Variants in SCN10A observed in about 807,000 individuals in gnomAD.
SCN10A encodes the protein sodium voltage-gated channel alpha subunit 10, also known as sodium channel protein type 10 subunit alpha.
SCN10A carries 162 observed loss-of-function variants against 170.7 expected under a neutral mutation model. The observed-to-expected ratio is 0.95, with a 90% CI of 0.84 to 1.08. The LOEUF (loss-of-function observed/expected upper bound fraction) is 1.08. Ranked by LOEUF, SCN10A falls within the 50% of genes least tolerant of loss-of-function variation. The probability of loss-of-function intolerance (pLI) is 0.00; values close to 1 mark genes in which losing one functional copy is unlikely to be tolerated. For synonymous variants in SCN10A, 985 were observed against 904.6 expected (o/e 1.09, Z -1.59); for missense variants, 2,527 against 2,436.9 (o/e 1.04, Z -0.78).
intron 4 of SCN10A, among the ~76,000 whole-genome samples, chr3:38,774,561 A>C (rs923764980): frequency 6.6e-6 from 1 of 152,172 alleles, no homozygotes. Context: ...GGAAAAAGTC[A>C]AGTTCTCAGC....
chr3:38,747,253 T>C (rs1478953616), intron 13 of SCN10A, among the ~76,000 whole-genome samples: 2 of 152,204 alleles, frequency 1.3e-5, no homozygotes, highest in Non-Finnish European at 2.9e-5. Context: ...ACTTATTTTC[T>C]TCCTTTTTAT....
chr3:38,789,642 G>C (rs1442512940), intron 3 of SCN10A, among the ~76,000 whole-genome samples: 2 of 152,070 alleles, frequency 1.3e-5, no homozygotes, highest in African/African-American at 4.8e-5. Flanking sequence ...GTGGAGGCAG[G>C]CACAGGGAAA....
At chr3:38,722,472 C>T in intron 19 of SCN10A, 60 bp from the exon 20 acceptor site, 1 of 1,560,702 alleles carries the variant, frequency 6.4e-7, no homozygotes, top group South Asian at 1.2e-5. Context: ...ATAATTTCTG[C>T]TCCTGCTGCA....
intron 24 of SCN10A, among the ~76,000 whole-genome samples, chr3:38,710,321 TG>T (rs971099298): frequency 1.3e-5 from 2 of 152,106 alleles, no homozygotes; most frequent in African/African-American, 4.8e-5. Flanking sequence ...CGCCATGCCC[TG>T]CTAATTTCTT....
intron 6 of SCN10A, among the ~76,000 whole-genome samples, chr3:38,761,806 C>CTG (rs780475811): frequency 7.1e-6 from 1 of 141,836 alleles, no homozygotes; most frequent in East Asian, 2.0e-4. Flanking sequence ...ATGAACCTCA[C>CTG]TGTGTGTGAG....
chr3:38,712,723 G>A (rs1427403116), intron 22 of SCN10A, among the ~76,000 whole-genome samples: 2 of 152,224 alleles, frequency 1.3e-5, no homozygotes, highest in African/African-American at 4.8e-5. Context: ...ATTTAGAAGT[G>A]TGAGTGTGTG....
At position 38,746,100 on chromosome 3, in the gene SCN10A, T is replaced by TCTAG. The variant is rs71085336; in HGVS notation, c.1868-3572_1868-3571insCTAG. Among the ~76,000 whole-genome samples the TCTAG allele has an allele frequency of 8.4e-3, 840 of 99,800 alleles. 68 individuals carry two copies. Among genetic ancestry groups the TCTAG allele is most frequent in the South Asian group, 0.021 (58 of 2,750 alleles). 65.5% of individuals were successfully genotyped at this position (99,800 alleles called of 152,430 possible). ...ATATATATATATATATATATATATA[T>TCTAG]GCCATCTTTGTCATCTAAGTTCTAG... On this transcript the variant is annotated intron_variant, in intron 13 of 27. Coordinates refer to ENST00000449082, the MANE Select transcript of SCN10A (RefSeq NM_006514.4).
In SCN10A at chr3:38,696,908, A is replaced by T. The variant is rs936722431; in HGVS notation, c.*441T>A. The T allele has an allele frequency of 2.2e-5, 4 of 182,296 alleles. No homozygotes were observed. The highest frequency in any genetic ancestry group is 1.3e-4 in the South Asian group (1 of 7,786). The allele number at this position is 182,296 out of a possible 1,614,324, so 11.3% of individuals were successfully genotyped here. ...AGAGCAGTTGTCCGACAGCTCTCAC[A>T]TGCAGTCATGCAAAATCCTAAATAA... On this transcript the variant is annotated 3_prime_UTR_variant, in exon 28 of 28. Transcript: ENST00000449082.
intron 1 of SCN10A, among the ~76,000 whole-genome samples, chr3:38,805,196 A>T (rs1440881696): frequency 6.6e-6 from 1 of 152,164 alleles, no homozygotes; most frequent in Non-Finnish European, 1.5e-5. Flanking sequence ...AATAAGGAGC[A>T]TATTGTAAGG....
intron 20 of SCN10A, 31 bp from the exon 21 acceptor site, chr3:38,718,857 G>C: frequency 6.2e-7 from 1 of 1,607,398 alleles, no homozygotes; most frequent in South Asian, 1.1e-5. Context: ...AGAATGGCAG[G>C]CTGCCTGGAC....
chr3:38,802,130 A>G (rs2064375209), intron 1 of SCN10A, among the ~76,000 whole-genome samples: 1 of 152,106 alleles, frequency 6.6e-6, no homozygotes, highest in South Asian at 2.1e-4. Context: ...CCCTTGTGCC[A>G]GACACTTTTT....
At chr3:38,770,795 C>T (rs1270562292) in intron 5 of SCN10A, among the ~76,000 whole-genome samples, 1 of 152,170 alleles carries the variant, frequency 6.6e-6, no homozygotes, top group Admixed American at 6.5e-5. Context: ...CTCCCTGATT[C>T]CACTGGCTGC....
At chr3:38,722,450 T>G (rs761376071) in intron 19 of SCN10A, 38 bp from the exon 20 acceptor site, 1 of 1,597,312 alleles carries the variant, frequency 6.3e-7, no homozygotes, top group East Asian at 2.2e-5. Flanking sequence ...TGATGGCCAG[T>G]GGGCAAAGGG....
chr3:38,756,058 CAG>C, intron 10 of SCN10A, 100 bp from the exon 11 acceptor site: 1 of 1,319,686 alleles, frequency 7.6e-7, no homozygotes, highest in Non-Finnish European at 1.1e-6. Context: ...AGATCTGAAA[CAG>C]AGAAGCTGAA....
In SCN10A at chr3:38,726,674, C is replaced by T. The variant is rs1434459687; in HGVS notation, c.3019G>A (p.Asp1007Asn). Residue 1007 changes from aspartate (D) to asparagine (N), a missense_variant, in exon 17 of 28, where the codon GAT (aspartate) becomes AAT (asparagine). Coordinates refer to ENST00000449082, the MANE Select transcript of SCN10A (RefSeq NM_006514.4). ...TCCCCACCATCATCCTCCAAGTCAT[C>T]AAGATCAGATTCACCCTCAGCAATG... ...VPIAEGESDL[D>N]DLEDDGGEDA... 2 of 1,610,108 alleles carry T rather than the reference C, an allele frequency of 1.2e-6. No homozygotes were observed. Among genetic ancestry groups the T allele is most frequent in the African/African-American group, 1.3e-5 (1 of 74,848 alleles).
In SCN10A at chr3:38,752,349, C is replaced by T. The variant is rs754171794; in HGVS notation, c.1625G>A (p.Gly542Asp). 4 of 1,613,384 alleles carry T rather than the reference C, an allele frequency of 2.5e-6. No homozygotes were observed. The highest frequency in any genetic ancestry group is 1.3e-5 in the African/African-American group (1 of 74,992). The change falls in exon 12 of 28, where the codon GGT becomes GAT. Residue 542 changes from glycine to aspartate, a missense_variant. Gly to Asp is a moderately conservative substitution (Grantham distance 94). Coordinates refer to ENST00000449082, the MANE Select transcript of SCN10A (RefSeq NM_006514.4). The stretch of plus-strand genomic sequence containing the variant: ...AGGGAGGGGGCCTTGCTGGCCAGCA[C>T]CCCCACCCAGCAGCAGAGAGCCCCG... ...SHRGSLLLGG[G>D]AGQQGPLPRS... is the part of the protein sequence containing the mutation.
chr3:38,722,963 A>T (rs1037525868), intron 19 of SCN10A, among the ~76,000 whole-genome samples: 3 of 152,194 alleles, frequency 2.0e-5, no homozygotes, highest in Admixed American at 1.3e-4. Context: ...ATTTATTGAG[A>T]ATGTAATGTG....
chr3:38,772,549 C>G (rs554710753), intron 4 of SCN10A, among the ~76,000 whole-genome samples: 26 of 152,036 alleles, frequency 1.7e-4, no homozygotes, highest in Admixed American at 6.5e-5. Context: ...ATTAGCCGGG[C>G]GCCTTGGCGG....
At chr3:38,751,181 C>G (rs958648385) in intron 12 of SCN10A, among the ~76,000 whole-genome samples, 1 of 152,196 alleles carries the variant, frequency 6.6e-6, no homozygotes, top group South Asian at 2.1e-4. Flanking sequence ...GAGCTGTGAT[C>G]CTCTACTAAG....
Sources: allele counts gnomAD v4.1 joint callset (sites outside exome capture counted in the v4.1 genomes callset), GRCh38; gene constraint gnomAD v4.1.1; transcripts MANE v1.5; gene names NCBI Gene and HGNC (gene_info 2026-07-23, HGNC 2026-07-21).